The following GUCY2C variants were observed in gnomAD, a reference collection of about 807,000 sequenced individuals.
GUCY2C encodes the protein guanylyl cyclase C.
A neutral mutation model predicts 131.1 loss-of-function variants in GUCY2C; 118 were observed. That is an observed-to-expected ratio of 0.90 (90% confidence interval 0.78 to 1.05). The LOEUF (loss-of-function observed/expected upper bound fraction) is 1.05, where lower values mean the gene tolerates loss of function less well. Among genes scored for constraint, GUCY2C ranks in the 50% least tolerant of loss-of-function variants. The probability of loss-of-function intolerance (pLI) is 0.00; values close to 1 mark genes in which losing one functional copy is unlikely to be tolerated. For synonymous variants in GUCY2C, 452 were observed against 457.8 expected (o/e 0.99, Z 0.16); for missense variants, 1,161 against 1,304.4 (o/e 0.89, Z 1.69).
intron 11 of GUCY2C, among the ~76,000 whole-genome samples, chr12:14,658,341 T>C (rs1207598182): frequency 6.6e-6 from 1 of 152,216 alleles, no homozygotes; most frequent in Non-Finnish European, 1.5e-5. Flanking sequence ...TTTTCCTTTT[T>C]TATCTTGACT....
intron 15 of GUCY2C, among the ~76,000 whole-genome samples, chr12:14,650,467 C>T (rs753447447): frequency 1.3e-5 from 2 of 152,144 alleles, no homozygotes; most frequent in African/African-American, 4.8e-5. Flanking sequence ...AAGATGGTCT[C>T]GATCTCCTGA....
At chr12:14,666,241 C>G (rs930347245) in intron 10 of GUCY2C, among the ~76,000 whole-genome samples, 1 of 152,158 alleles carries the variant, frequency 6.6e-6, no homozygotes, top group Non-Finnish European at 1.5e-5. Context: ...GTGGCTTTAC[C>G]CGGCCGGCAC....
Position 14,685,586 on chromosome 12 carries a change from G to C in GUCY2C, c.395+575C>G, listed in dbSNP as rs1185477683. Among the ~76,000 whole-genome samples, 3 of 152,110 alleles carry C rather than the reference G, an allele frequency of 2.0e-5. No homozygotes were observed. In the East Asian group the frequency reaches 5.8e-4, roughly 29 times the overall value. On this transcript the variant is annotated intron_variant, in intron 3 of 26. Transcript: ENST00000261170. ...ATAATTACATTGTGTAAAATGAATG[G>C]AAGAGATGAGGGTGATTTTCCCAGA...
At chr12:14,652,383 C>T (rs910632950) in intron 13 of GUCY2C, among the ~76,000 whole-genome samples, 9 of 152,038 alleles carry the variant, frequency 5.9e-5, no homozygotes, top group African/African-American at 1.7e-4. Context: ...CCATGTTGGC[C>T]GGCCTGGTCT....
At chr12:14,671,722 C>T (rs936513030) in intron 9 of GUCY2C, among the ~76,000 whole-genome samples, 4 of 152,178 alleles carry the variant, frequency 2.6e-5, no homozygotes, top group Non-Finnish European at 5.9e-5. Flanking sequence ...AGATCTCACA[C>T]GTTTCTGCCT....
intron 19 of GUCY2C, among the ~76,000 whole-genome samples, 177 bp downstream of exon 19, chr12:14,639,685 G>A (rs984637662): frequency 3.3e-5 from 5 of 152,224 alleles, no homozygotes; most frequent in Non-Finnish European, 7.3e-5. Flanking sequence ...TCTGGAAGAA[G>A]TAAGGAATGG....
In GUCY2C at chr12:14,625,911, A is replaced by G; in HGVS notation, c.2254T>C (p.Phe752Leu). The part of the protein sequence containing the change: ...ETTLAKIFGL[F>L]HDQKNESYMD... The stretch of plus-strand genomic sequence containing the variant: ...TAGCTTTCATTTTTTTGGTCATGAA[A>G]AAGTCTGTAGGTAGTAATAGATAAA... Residue 752 changes from phenylalanine to leucine, a missense_variant, in exon 21 of 27, where the codon TTT becomes CTT. Phe to Leu is a conservative substitution (Grantham distance 22). Transcript: ENST00000261170. The G allele has an allele frequency of 1.9e-6, 3 of 1,606,430 alleles. No homozygotes were observed.
chr12:14,658,064 C>T (rs1010314992), intron 11 of GUCY2C, among the ~76,000 whole-genome samples: 1 of 151,926 alleles, frequency 6.6e-6, no homozygotes. Context: ...GTGATATTAT[C>T]CTTTCAAATA....
chr12:14,681,987 A>T (rs1290526760), intron 4 of GUCY2C, among the ~76,000 whole-genome samples: 1 of 152,148 alleles, frequency 6.6e-6, no homozygotes, highest in African/African-American at 2.4e-5. Flanking sequence ...CTGTGGGTTG[A>T]TTCCTGTGGG....
At chr12:14,684,586 TTCC>T (rs879356849) in intron 3 of GUCY2C, among the ~76,000 whole-genome samples, 96,074 of 119,416 alleles carry the variant, frequency 0.8, 36,940 homozygotes, top group South Asian at 0.84. Context: ...CCTTCCTTCC[TTCC>T]TTCCTTCCTT....
At chr12:14,643,352 G>C (rs1947447865) in intron 17 of GUCY2C, among the ~76,000 whole-genome samples, 1 of 152,112 alleles carries the variant, frequency 6.6e-6, no homozygotes, top group African/African-American at 2.4e-5. Flanking sequence ...TCTCAGTGTA[G>C]CAAGGGACGC....
chr12:14,657,081 T>G (rs964838676), intron 11 of GUCY2C, among the ~76,000 whole-genome samples: 1 of 152,244 alleles, frequency 6.6e-6, no homozygotes, highest in Non-Finnish European at 1.5e-5. Context: ...GCTGCTCACC[T>G]CCTGCTGTGC....
intron 13 of GUCY2C, among the ~76,000 whole-genome samples, chr12:14,652,654 C>A (rs1311045543): frequency 1.3e-5 from 2 of 152,180 alleles, no homozygotes; most frequent in Non-Finnish European, 2.9e-5. Flanking sequence ...CAGCAATGAG[C>A]CAAAATATAA....
intron 1 of GUCY2C, among the ~76,000 whole-genome samples, chr12:14,692,614 G>A (rs1206754847): frequency 6.6e-6 from 1 of 152,122 alleles, no homozygotes; most frequent in African/African-American, 2.4e-5. Context: ...TTGGGAGGCC[G>A]AGGCGGGCAG....
intron 4 of GUCY2C, among the ~76,000 whole-genome samples, chr12:14,682,287 A>T (rs1948361724): frequency 6.6e-6 from 1 of 152,182 alleles, no homozygotes; most frequent in Non-Finnish European, 1.5e-5. Context: ...TAATTGAACC[A>T]TGGGGGTGGT....
At chr12:14,675,846 A>T (rs1948222588) in intron 7 of GUCY2C, among the ~76,000 whole-genome samples, 1 of 152,204 alleles carries the variant, frequency 6.6e-6, no homozygotes, top group South Asian at 2.1e-4. Context: ...TACACTCAGA[A>T]TTATATTTGC....
chr12:14,691,160 A>C (rs1044455932), intron 1 of GUCY2C, among the ~76,000 whole-genome samples: 1 of 152,200 alleles, frequency 6.6e-6, no homozygotes, highest in Admixed American at 6.5e-5. Flanking sequence ...GATGTCTACC[A>C]ACTTTGCTTT....
intron 12 of GUCY2C, 62 bp downstream of exon 12, chr12:14,656,449 CT>C (rs1213210352): frequency 1.2e-6 from 1 of 817,694 alleles, no homozygotes; most frequent in East Asian, 2.4e-5. Flanking sequence ...TGCAATGCTA[CT>C]TAAGTCTTGT....
At chr12:14,690,043 C>T (rs900067883) in intron 1 of GUCY2C, among the ~76,000 whole-genome samples, 1 of 152,082 alleles carries the variant, frequency 6.6e-6, no homozygotes, top group East Asian at 1.9e-4. Flanking sequence ...GCCAGAAAAC[C>T]CCTTTGTCTT....
Sources: gnomAD v4.1 joint callset for allele counts (sites outside exome capture counted in the v4.1 genomes callset) on GRCh38, gnomAD v4.1.1 for gene constraint, MANE v1.5 for transcripts, NCBI Gene and HGNC (gene_info 2026-07-23, HGNC 2026-07-21) for gene names.